The following DST variants were observed in gnomAD, a reference collection of about 807,000 sequenced individuals.
DST encodes dystonin.
Under a neutral mutation model 875.2 loss-of-function variants are expected in DST, and 253 were observed. That is an observed-to-expected ratio of 0.29 (90% CI 0.26 to 0.32). DST has a LOEUF of 0.32. Among genes scored for constraint, DST ranks in the 10% least tolerant of loss-of-function variants. DST has a pLI of 1.00. For synonymous variants in DST, 3,124 were observed against 3,197.1 expected, an observed-to-expected ratio of 0.98 and a Z score of 0.77; for missense variants, 8,287 against 9,111.6, an observed-to-expected ratio of 0.91 and a Z score of 3.68.
chr6:56,903,858 CT>C (rs1795197935), intron 2 of DST, among the ~76,000 whole-genome samples: 1 of 152,178 alleles, frequency 6.6e-6, no homozygotes, highest in Non-Finnish European at 1.5e-5. Context: ...TCAGTTATTT[CT>C]TTTATACCCA....
intron 64 of DST, 116 bp from the exon 65 acceptor site, chr6:56,530,249 G>A: frequency 1.3e-6 from 1 of 756,700 alleles, no homozygotes; most frequent in Non-Finnish European, 1.9e-6. Context: ...ACTATCTAAG[G>A]TTACAATTTA....
intron 72 of DST, among the ~76,000 whole-genome samples, chr6:56,513,442 C>G (rs1353195585): frequency 6.6e-6 from 1 of 152,158 alleles, no homozygotes; most frequent in East Asian, 1.9e-4. Flanking sequence ...GTTGGTCAGG[C>G]TGGTCTCGAA....
Position 56,501,224 on chromosome 6 carries a change from C to A in DST, c.19752G>T (p.Glu6584Asp), listed in dbSNP as rs1399188977. 1.3e-6 allele frequency: 2 copies of A among 1,589,846 alleles called. No individual in the cohort carries two copies. Among genetic ancestry groups the A allele is most frequent in the East Asian group, 2.2e-5 (1 of 44,488 alleles). ...ACTGACCCAAGGCTAATAGAGCACCCTCCAGTTTATGCTACAGAAAAAGTG... is the reference window on the plus strand; with the variant it reads ...ACTGACCCAAGGCTAATAGAGCACCATCCAGTTTATGCTACAGAAAAAGTG... ...ERIINRQHKL[E>D]GALLALGQFQ... Residue 6584 changes from glutamate to aspartate, a missense_variant, in exon 80 of 104, where the codon GAG becomes GAT. By Grantham distance (45) the Glu-to-Asp change is conservative (BLOSUM62 2). Around this residue, in one of 10 missense-constraint regions of DST, gnomAD observed 1,292 missense variants for 1,552.7 expected, o/e 0.83. Transcript: ENST00000680361.
chr6:56,532,737 T>G (rs779894885), intron 63 of DST, among the ~76,000 whole-genome samples: 1 of 152,148 alleles, frequency 6.6e-6, no homozygotes, highest in Non-Finnish European at 1.5e-5. Context: ...AAAACTAATA[T>G]TGGTAAGGCC....
At chr6:56,645,787 TTTAAC>T in intron 15 of DST, 74 bp downstream of exon 15, 1 of 1,529,654 alleles carries the variant, frequency 6.5e-7, no homozygotes, top group South Asian at 1.2e-5. Flanking sequence ...TAAACAGAGG[TTTAAC>T]TTAAGTTCTT....
At chr6:56,595,486 G>A (rs2098358577) in intron 47 of DST, among the ~76,000 whole-genome samples, 1 of 152,118 alleles carries the variant, frequency 6.6e-6, no homozygotes, top group African/African-American at 2.4e-5. Context: ...GGGGCACAGG[G>A]AATTTATTTT....
At chr6:56,522,105 C>G (rs1005215153) in intron 69 of DST, among the ~76,000 whole-genome samples, 5 of 152,106 alleles carry the variant, frequency 3.3e-5, no homozygotes, top group Non-Finnish European at 5.9e-5. Flanking sequence ...TTTTAAGTAG[C>G]TACATCTAAA....
intron 10 of DST, among the ~76,000 whole-genome samples, chr6:56,656,225 C>T (rs1483319823): frequency 6.6e-6 from 1 of 152,244 alleles, no homozygotes; most frequent in South Asian, 2.1e-4. Flanking sequence ...AGCACACACC[C>T]TTTCGAGGTT....
At position 56,589,103 on chromosome 6, in the gene DST, C is replaced by CA. The variant is rs1362133144; in HGVS notation, c.12903+3078dup. Among the ~76,000 whole-genome samples, 6 of 152,272 alleles carry CA rather than the reference C, an allele frequency of 3.9e-5. 1 individual carries two copies. The highest frequency in any genetic ancestry group is 1.4e-4 in the African/African-American group (6 of 41,554). Reference sequence around the variant, plus strand: ...ACCAAGGGCAGAGACAGGGTTTTAACATCTTTGTGCCTTCATGAAACTCAG... The same window carrying CA: ...ACCAAGGGCAGAGACAGGGTTTTAACAATCTTTGTGCCTTCATGAAACTCAG... On this transcript the variant is annotated intron_variant, in intron 49 of 103. Coordinates refer to ENST00000680361, the MANE Select transcript of DST (RefSeq NM_001374736.1).
chr6:56,842,535 T>G (rs1260688929), intron 4 of DST, among the ~76,000 whole-genome samples: 2 of 152,098 alleles, frequency 1.3e-5, no homozygotes, highest in East Asian at 3.8e-4. Context: ...CTCACTAAAG[T>G]CTTTTATCCA....
intron 4 of DST, among the ~76,000 whole-genome samples, chr6:56,783,561 G>C (rs1462706885): frequency 2.0e-5 from 3 of 151,798 alleles, no homozygotes; most frequent in African/African-American, 7.2e-5. Context: ...GCCTTTTTTT[G>C]TTTTCCATTT....
chr6:56,789,250 T>C (rs1417948377), intron 4 of DST, among the ~76,000 whole-genome samples: 2 of 152,090 alleles, frequency 1.3e-5, no homozygotes, highest in Non-Finnish European at 2.9e-5. Context: ...AGGAGGATCA[T>C]TTGAGCCCAG....
intron 5 of DST, among the ~76,000 whole-genome samples, chr6:56,719,689 A>G (rs1589150923): frequency 6.6e-6 from 1 of 152,346 alleles, no homozygotes; most frequent in East Asian, 1.9e-4. Flanking sequence ...TATTTTCCCT[A>G]AGCGTCAGCC....
intron 83 of DST, 37 bp downstream of exon 83, chr6:56,493,973 A>G (rs1470672960): frequency 6.9e-7 from 1 of 1,456,066 alleles, no homozygotes; most frequent in Non-Finnish European, 9.1e-7. Flanking sequence ...TGAAACAACT[A>G]AAACACTGAT....
chr6:56,513,158 C>T (rs772905023), intron 72 of DST, among the ~76,000 whole-genome samples: 1 of 151,824 alleles, frequency 6.6e-6, no homozygotes, highest in Non-Finnish European at 1.5e-5. Flanking sequence ...TCTGGAGTTC[C>T]TTTGGGTCTA....
chr6:56,460,960 T>C (rs905470846), intron 102 of DST: 6 of 152,130 alleles, frequency 3.9e-5, no homozygotes, highest in African/African-American at 1.4e-4. Flanking sequence ...GATTTTATTA[T>C]ACAATCATTG....
intron 36 of DST, chr6:56,615,495 A>G: frequency 2.5e-6 from 4 of 1,613,894 alleles, no homozygotes; most frequent in Non-Finnish European, 3.4e-6. Context: ...CACCCCTTGC[A>G]CAGTTATTTA....
At chr6:56,728,037 T>C (rs2099473802) in intron 5 of DST, among the ~76,000 whole-genome samples, 1 of 152,112 alleles carries the variant, frequency 6.6e-6, no homozygotes, top group Non-Finnish European at 1.5e-5. Context: ...ACTCAATAAA[T>C]GGCATTGACA....
At chr6:56,644,214 T>C (rs1046327584) in intron 15 of DST, among the ~76,000 whole-genome samples, 1 of 152,212 alleles carries the variant, frequency 6.6e-6, no homozygotes, top group African/African-American at 2.4e-5. Flanking sequence ...TAACATAGTA[T>C]CTCATTTCAA....
Sources: gnomAD v4.1 joint callset for allele counts (sites outside exome capture counted in the v4.1 genomes callset) on GRCh38, gnomAD v4.1.1 for gene constraint, gnomAD v4.1.1 regional missense constraint, MANE v1.5 for transcripts, NCBI Gene and HGNC (gene_info 2026-07-23, HGNC 2026-07-21) for gene names.